The following DLGAP2 variants were observed in gnomAD, a reference collection of about 807,000 sequenced individuals.
DLGAP2 encodes DLG associated protein 2.
DLGAP2 carries 26 observed loss-of-function variants against 100.3 expected under a neutral mutation model. The observed-to-expected ratio is 0.26, with a 90% CI of 0.19 to 0.36. The LOEUF (loss-of-function observed/expected upper bound fraction) is 0.36, where lower values mean the gene tolerates loss of function less well. DLGAP2 is among the 10% of genes least tolerant of loss of function. The probability of loss-of-function intolerance (pLI) is 1.00; values close to 1 mark genes in which losing one functional copy is unlikely to be tolerated. For missense variants in DLGAP2, 1,858 were observed against 1,453.2 expected (o/e 1.28, Z -4.53); for synonymous variants, 886 against 630.1 (o/e 1.41, Z -6.08).
At chr8:1,463,420 T>C (rs985313070) in intron 3 of DLGAP2, among the ~76,000 whole-genome samples, 28 of 152,162 alleles carry the variant, frequency 1.8e-4, no homozygotes, top group African/African-American at 6.5e-4. Context: ...AGCATGGCTA[T>C]GTAGTGTGTC....
At chr8:1,524,753 C>T (rs903956632) in intron 4 of DLGAP2, among the ~76,000 whole-genome samples, 16 of 152,142 alleles carry the variant, frequency 1.1e-4, no homozygotes, top group Admixed American at 9.8e-4. Flanking sequence ...ATCGGACCAG[C>T]TTACAGTCTT....
At position 759,200 on chromosome 8, in the gene DLGAP2, ATTATCAATACCCCCCACAGCCTTCCTG is replaced by A. The variant is rs1821007990; in HGVS notation, c.18+21388_18+21414del. On this transcript the variant is annotated intron_variant, in intron 1 of 14. Coordinates refer to ENST00000637795, the MANE Select transcript of DLGAP2 (RefSeq NM_001346810.2). ...TATCAATACCCCCGACAGCCTTCCC[ATTATCAATACCCCCCACAGCCTTCCTG>A]TTATCAATACCCGCAACAGCCTCCC... Among the ~76,000 whole-genome samples, 16 of 81,222 alleles carry A rather than the reference ATTATCAATACCCCCCACAGCCTTCCTG, an allele frequency of 2.0e-4. No individual in the cohort carries two copies. In the East Asian group the frequency reaches 2.6e-3, roughly 13 times the overall value. The allele number at this position is 81,222 out of a possible 152,430, so 53.3% of individuals were successfully genotyped here.
At chr8:1,568,522 C>T (rs537972699) in intron 6 of DLGAP2, among the ~76,000 whole-genome samples, 1 of 141,508 alleles carries the variant, frequency 7.1e-6, no homozygotes, top group Admixed American at 7.0e-5. Context: ...GTCCACTCAG[C>T]AGACACAAAT....
chr8:1,626,440 G>A (rs1291583381), intron 6 of DLGAP2, among the ~76,000 whole-genome samples: 4 of 136,956 alleles, frequency 2.9e-5, no homozygotes, highest in Non-Finnish European at 4.7e-5. Flanking sequence ...CTGGGTGTGG[G>A]TTGGACGGCT....
chr8:1,118,292 T>G lies in DLGAP2; in HGVS notation c.74-140559T>G, dbSNP rs556524157. Among the ~76,000 whole-genome samples the G allele has an allele frequency of 6.6e-5, 10 of 152,342 alleles. 2 individuals are homozygous for G. The South Asian group carries it at 1.9e-3, about 28-fold the overall frequency. On this transcript the variant is annotated intron_variant, in intron 2 of 14. Coordinates refer to ENST00000637795, the MANE Select transcript of DLGAP2 (RefSeq NM_001346810.2). Reference sequence around the variant, plus strand: ...CTTCACTCTGGTGCTGATTCCAGCATCTGCAGCTCTTGACCCCGTAGTGTG... The same window carrying G: ...CTTCACTCTGGTGCTGATTCCAGCAGCTGCAGCTCTTGACCCCGTAGTGTG...
chr8:1,139,410 C>T (rs1175342281), intron 2 of DLGAP2, among the ~76,000 whole-genome samples: 3 of 152,228 alleles, frequency 2.0e-5, no homozygotes, highest in Non-Finnish European at 4.4e-5. Flanking sequence ...CAAGGTGCAG[C>T]AGGTGTGGAA....
At chr8:1,627,728 G>C (rs1797541413) in intron 7 of DLGAP2, among the ~76,000 whole-genome samples, 2 of 152,112 alleles carry the variant, frequency 1.3e-5, no homozygotes, top group Admixed American at 1.3e-4. Flanking sequence ...CTGTGGAGTA[G>C]GGATTAAGAT....
At chr8:1,079,125 T>A (rs1158489878) in intron 2 of DLGAP2, among the ~76,000 whole-genome samples, 2 of 152,190 alleles carry the variant, frequency 1.3e-5, no homozygotes, top group Non-Finnish European at 2.9e-5. Context: ...TCTTCTTGAT[T>A]TATTTTGCAT....
intron 1 of DLGAP2, among the ~76,000 whole-genome samples, chr8:803,159 T>C (rs1285080456): frequency 6.6e-6 from 1 of 152,050 alleles, no homozygotes; most frequent in Non-Finnish European, 1.5e-5. Flanking sequence ...GTGTCTAGAC[T>C]TTGGGCCTGG....
chr8:1,245,947 C>G (rs1159130342), intron 2 of DLGAP2, among the ~76,000 whole-genome samples: 7 of 152,132 alleles, frequency 4.6e-5, no homozygotes, highest in Admixed American at 4.6e-4. Context: ...CTGTGCCTGA[C>G]AAGCAGGGAA....
At chr8:1,183,540 C>G (rs375106237) in intron 2 of DLGAP2, among the ~76,000 whole-genome samples, 1 of 152,186 alleles carries the variant, frequency 6.6e-6, no homozygotes, top group Non-Finnish European at 1.5e-5. Context: ...ATCACAGCAG[C>G]CTATGAGGTA....
chr8:1,052,133 G>A (rs371046864), intron 2 of DLGAP2, among the ~76,000 whole-genome samples: 13 of 152,224 alleles, frequency 8.5e-5, no homozygotes, highest in Admixed American at 3.3e-4. Context: ...GCCTATTGTG[G>A]GCACTGAACT....
chr8:997,256 G>C (rs1255976390), intron 2 of DLGAP2, among the ~76,000 whole-genome samples: 1 of 151,828 alleles, frequency 6.6e-6, no homozygotes, highest in Non-Finnish European at 1.5e-5. Context: ...GATTTACATG[G>C]GAAATGAATT....
intron 3 of DLGAP2, among the ~76,000 whole-genome samples, chr8:1,452,375 C>T (rs568666785): frequency 1.3e-5 from 2 of 152,232 alleles, no homozygotes; most frequent in African/African-American, 4.8e-5. Flanking sequence ...AACATCAGCC[C>T]TGAGCCGAGG....
At chr8:830,146 A>T (rs905714937) in intron 1 of DLGAP2, among the ~76,000 whole-genome samples, 2 of 152,076 alleles carry the variant, frequency 1.3e-5, no homozygotes, top group Non-Finnish European at 2.9e-5. Flanking sequence ...TTTGCTTTTT[A>T]TTTAATTTTT....
chr8:1,186,723 C>T (rs1382049908), intron 2 of DLGAP2, among the ~76,000 whole-genome samples: 2 of 152,070 alleles, frequency 1.3e-5, no homozygotes, highest in Non-Finnish European at 1.5e-5. Flanking sequence ...TTGTGAATAT[C>T]TGTGGGATAA....
chr8:868,285 G>A (rs1797534786), intron 1 of DLGAP2, among the ~76,000 whole-genome samples: 1 of 152,190 alleles, frequency 6.6e-6, no homozygotes, highest in Admixed American at 6.5e-5. Flanking sequence ...AGCAGCTGTG[G>A]AGGTGTGTCT....
At chr8:1,025,590 C>T (rs1801774527) in intron 2 of DLGAP2, among the ~76,000 whole-genome samples, 4 of 152,140 alleles carry the variant, frequency 2.6e-5, no homozygotes, top group Admixed American at 6.5e-5. Context: ...GGAATTCTGC[C>T]GCTCGGTGAG....
intron 12 of DLGAP2, among the ~76,000 whole-genome samples, chr8:1,683,430 G>A (rs1028545824): frequency 1.3e-5 from 2 of 151,600 alleles, no homozygotes; most frequent in Admixed American, 6.6e-5. Context: ...GAGGGTCTGT[G>A]CTACCTGACC....
Sources: allele counts gnomAD v4.1 joint callset (sites outside exome capture counted in the v4.1 genomes callset), GRCh38; gene constraint gnomAD v4.1.1; transcripts MANE v1.5; gene names NCBI Gene and HGNC (gene_info 2026-07-23, HGNC 2026-07-21).